The following WDTC1 variants were observed in gnomAD, a reference collection of about 807,000 sequenced individuals.
WDTC1 encodes the protein WD and tetratricopeptide repeats 1, also known as WD and tetratricopeptide repeats protein 1.
A neutral mutation model predicts 76.0 loss-of-function variants in WDTC1; 12 were observed. The observed-to-expected ratio is 0.16, with a 90% CI of 0.10 to 0.26. The LOEUF is 0.26. Ranked by LOEUF, WDTC1 falls within the 10% of genes least tolerant of loss-of-function variation. The pLI is 1.00. For synonymous variants in WDTC1, 326 were observed against 350.8 expected, an observed-to-expected ratio of 0.93 and a Z score of 0.79; for missense variants, 511 against 908.8, an observed-to-expected ratio of 0.56 and a Z score of 5.63.
intron 3 of WDTC1, among the ~76,000 whole-genome samples, chr1:27,275,634 TAAAG>T (rs1280667101): frequency 1.1e-4 from 16 of 147,308 alleles, no homozygotes; most frequent in African/African-American, 3.0e-4. Context: ...AAAAAAAAAA[TAAAG>T]AAAAAGATGG....
chr1:27,237,195 A>G (rs4970512), intron 1 of WDTC1, among the ~76,000 whole-genome samples: 151,159 of 152,196 alleles, frequency 0.99, 75,076 homozygotes, highest in Middle Eastern at 1. Flanking sequence ...GGCTGGTCTC[A>G]AACTCCTGAG....
chr1:27,288,970 G>A (rs1193326822), intron 6 of WDTC1, among the ~76,000 whole-genome samples: 2 of 105,746 alleles, frequency 1.9e-5, no homozygotes, highest in Non-Finnish European at 4.3e-5. Flanking sequence ...GCGGCTGGCC[G>A]GGCGGGGGGC....
In WDTC1 at chr1:27,301,611, C is replaced by T. The variant is rs2013833874; in HGVS notation, c.1468+150C>T. 1 of 888,124 alleles carries T rather than the reference C, an allele frequency of 1.1e-6. No individual in the cohort carries two copies. The highest frequency in any genetic ancestry group is 1.7e-5 in the African/African-American group (1 of 59,790). 55.0% of individuals were successfully genotyped at this position (888,124 alleles called of 1,614,324 possible). A position where few individuals can be genotyped will look rare whatever the true frequency, so the allele number is the denominator to read the frequency against. On this transcript the variant is annotated intron_variant, in intron 13 of 15. Coordinates refer to ENST00000319394, the MANE Select transcript of WDTC1 (RefSeq NM_001276252.2). This position sits in a 1 kb window ranked among gnomAD's most constrained non-coding sequence, Gnocchi z 5.8. ...CAACTTTGGGGCAGTTACTTGGTGT[C>T]TCTCTCAGAGTGTTTCCTGGTCTGA... is the stretch of plus-strand genomic sequence containing the variant.
chr1:27,280,837 A>C (rs993106298), intron 3 of WDTC1, among the ~76,000 whole-genome samples: 1 of 152,232 alleles, frequency 6.6e-6, no homozygotes, highest in African/African-American at 2.4e-5. Context: ...CACAAACTGG[A>C]TCACAGGCTT....
chr1:27,304,897 G>A, intron 14 of WDTC1, 104 bp from the exon 15 acceptor site: 1 of 1,190,988 alleles, frequency 8.4e-7, no homozygotes, highest in South Asian at 1.6e-5. Flanking sequence ...GGACTGAGTG[G>A]CTGCAGACTT....
At chr1:27,304,845 C>G (rs1224679397) in intron 14 of WDTC1, 156 bp from the exon 15 acceptor site, 5 of 698,104 alleles carry the variant, frequency 7.2e-6, no homozygotes, top group African/African-American at 1.8e-5. Context: ...GGGCTATATA[C>G]CTGGAGGAAT....
At position 27,294,748 on chromosome 1, in the gene WDTC1, T is replaced by C. The variant is rs1229175632; in HGVS notation, c.873+119T>C. 3 of 817,558 alleles carry C rather than the reference T, an allele frequency of 3.7e-6. No individual in the cohort carries two copies. The African/African-American group carries it at 5.1e-5, about 14-fold the overall frequency. 50.6% of individuals were successfully genotyped at this position (817,558 alleles called of 1,614,324 possible). ...CACAACAGCCTTATGGTAAATGATG[T>C]TACATTGAAATGTGGGGGTGATGTG... On this transcript the variant is annotated intron_variant, in intron 9 of 15. Transcript: ENST00000319394.
intron 12 of WDTC1, among the ~76,000 whole-genome samples, chr1:27,298,878 G>A (rs771077262): frequency 1.3e-5 from 2 of 152,102 alleles, no homozygotes; most frequent in Admixed American, 6.6e-5. Context: ...GTGTGCCATC[G>A]TCTGGCTGCA....
At chr1:27,259,638 T>C (rs2012410653) in intron 1 of WDTC1, among the ~76,000 whole-genome samples, 1 of 152,130 alleles carries the variant, frequency 6.6e-6, no homozygotes, top group African/African-American at 2.4e-5. Flanking sequence ...CTGACTTTTC[T>C]TTTTCTTATG....
intron 3 of WDTC1, 34 bp downstream of exon 3, chr1:27,263,269 G>T: frequency 1.3e-6 from 2 of 1,599,356 alleles, no homozygotes; most frequent in Non-Finnish European, 1.7e-6. Context: ...AGATGCAGAT[G>T]GCCTGCTGTC....
chr1:27,274,123 C>T lies in WDTC1; in HGVS notation c.133-8116C>T, dbSNP rs1422110331. Among the ~76,000 whole-genome samples the T allele has an allele frequency of 6.6e-6, 1 of 151,690 alleles. No individual in the cohort carries two copies. The highest frequency in any genetic ancestry group is 1.9e-4 in the East Asian group (1 of 5,178). On this transcript the variant is annotated intron_variant, in intron 3 of 15. Transcript: ENST00000319394. This position sits in a 1 kb window ranked among gnomAD's most constrained non-coding sequence, Gnocchi z 4.2. The stretch of plus-strand genomic sequence containing the variant: ...TGGGCAACATAACAGGACCTCATCT[C>T]TACAAAAAAATACAAAAATTAACCA...
intron 3 of WDTC1, among the ~76,000 whole-genome samples, chr1:27,280,538 C>A (rs1392500975): frequency 6.6e-6 from 1 of 152,160 alleles, no homozygotes; most frequent in Non-Finnish European, 1.5e-5. Flanking sequence ...AGTAAGTGTT[C>A]TGTTAATTTT....
At position 27,306,695 on chromosome 1, in the gene WDTC1, C is replaced by T. The variant is rs529154949; in HGVS notation, c.*312C>T. On this transcript the variant is annotated 3_prime_UTR_variant, in exon 16 of 16. Transcript: ENST00000319394. The surrounding 1 kb of genome is among the most constrained non-coding windows in gnomAD (Gnocchi z 5.0). ...TGGCCTGCCTCAAAACCCCTTCTGC[C>T]TCAGGTGGGGAGGAACAAGCTGAAC... 2 of 409,280 alleles carry T rather than the reference C, an allele frequency of 4.9e-6. No homozygotes were observed. The highest frequency in any genetic ancestry group is 5.6e-5 in the South Asian group (2 of 35,488). The allele number at this position is 409,280 out of a possible 1,614,324, so 25.4% of individuals were successfully genotyped here.
At chr1:27,273,156 A>G (rs923397005) in intron 3 of WDTC1, among the ~76,000 whole-genome samples, 1 of 151,322 alleles carries the variant, frequency 6.6e-6, no homozygotes, top group Non-Finnish European at 1.5e-5. Context: ...GGGCTGAGGA[A>G]CTGTCTCAGA....
In WDTC1 at chr1:27,269,007, G is replaced by A. The variant is rs553193556; in HGVS notation, c.132+5772G>A. ...TGGGATTACAGGTGTGAGCCACTGC[G>A]CCCAGCCCAAGATACTTTTTTAAAT... On this transcript the variant is annotated intron_variant, in intron 3 of 15. Coordinates refer to ENST00000319394, the MANE Select transcript of WDTC1 (RefSeq NM_001276252.2). Among the ~76,000 whole-genome samples the A allele has an allele frequency of 2.0e-4, 30 of 149,138 alleles. No homozygotes were observed. In the East Asian group the frequency reaches 5.4e-3, roughly 27 times the overall value.
intron 3 of WDTC1, among the ~76,000 whole-genome samples, chr1:27,278,355 G>T (rs2013090018): frequency 6.6e-6 from 1 of 152,184 alleles, no homozygotes; most frequent in African/African-American, 2.4e-5. Context: ...TGCTTTAGAT[G>T]ATGGAGTAAA....
chr1:27,248,753 G>C (rs1423850809), intron 1 of WDTC1, among the ~76,000 whole-genome samples: 1 of 152,040 alleles, frequency 6.6e-6, no homozygotes, highest in Non-Finnish European at 1.5e-5. Flanking sequence ...GAAACCTCCT[G>C]GGCTCAAGCA....
At position 27,296,284 on chromosome 1, in the gene WDTC1, C is replaced by T. The variant is rs1283052416; in HGVS notation, c.874-42C>T. The T allele has an allele frequency of 3.1e-6, 5 of 1,611,998 alleles. No homozygotes were observed. The Admixed American group carries it at 6.7e-5, about 21-fold the overall frequency. On this transcript the variant is annotated intron_variant, in intron 9 of 15. Transcript: ENST00000319394. ...GCTTACTGGTTCAACCACATCCTTA[C>T]CTCACAGCTTCCATCTCTTTTTTTG...
chr1:27,292,510 C>T, intron 7 of WDTC1, 113 bp downstream of exon 7: 3 of 1,037,286 alleles, frequency 2.9e-6, no homozygotes, highest in Non-Finnish European at 2.6e-6. Context: ...TCACTGCAGC[C>T]TCAACCTCCC....
Sources: allele counts gnomAD v4.1 joint callset (sites outside exome capture counted in the v4.1 genomes callset), GRCh38; gene constraint gnomAD v4.1.1; non-coding constraint Gnocchi (gnomAD v3.1); transcripts MANE v1.5; gene names NCBI Gene and HGNC (gene_info 2026-07-23, HGNC 2026-07-21).